The following INO80E variants were observed in gnomAD, a reference collection of about 807,000 sequenced individuals.
INO80E encodes coiled-coil domain containing 95.
A neutral mutation model predicts 27.3 loss-of-function variants in INO80E; 20 were observed. That is an observed-to-expected ratio of 0.73 (90% confidence interval 0.51 to 1.06). The LOEUF (loss-of-function observed/expected upper bound fraction) is 1.06. Among genes scored for constraint, INO80E ranks in the 50% least tolerant of loss-of-function variants. The pLI, the probability that INO80E is intolerant of heterozygous loss-of-function variation, is 0.00. For missense variants in INO80E, 357 were observed against 322.8 expected (o/e 1.11, Z -0.81); for synonymous variants, 167 against 145.9 (o/e 1.14, Z -1.04).
In INO80E at chr16:30,005,308, A is replaced by AACCCCCCC; in HGVS notation, c.601_602insACCCCCCC (p.Thr201AsnfsTer17). ...TGGGGCTGGGGTCGGGACAACCCTGACCCCCCTCCCACCCCCTAAGATGCC... is the reference window on the plus strand; with the variant it reads ...TGGGGCTGGGGTCGGGACAACCCTGAACCCCCCCCCCCCCTCCCACCCCCTAAGATGCC... On this transcript the variant is annotated frameshift_variant, in exon 7 of 7. Coordinates refer to ENST00000563197, the MANE Select transcript of INO80E (RefSeq NM_173618.3). LOFTEE classifies it high-confidence loss of function. 1.9e-6 allele frequency: 1 copy of AACCCCCCC among 521,332 alleles called. No homozygotes were observed. Among genetic ancestry groups the AACCCCCCC allele is most frequent in the Non-Finnish European group, 3.0e-6 (1 of 335,732 alleles). The allele number at this position is 521,332 out of a possible 1,614,324, so 32.3% of individuals were successfully genotyped here.
At chr16:30,000,201 T>C (rs572200367) in intron 3 of INO80E, among the ~76,000 whole-genome samples, 1 of 151,758 alleles carries the variant, frequency 6.6e-6, no homozygotes, top group East Asian at 1.9e-4. Flanking sequence ...GGAAAGAGCC[T>C]GGCACCCTGG....
At position 30,001,597 on chromosome 16, in the gene INO80E, A is replaced by G. The variant is rs1474460955; in HGVS notation, c.513+67A>G. ...GAGGACAGTCACCTGAGGGAGGCTG[A>G]AGGCGGGGGCCTGTCAGAGAACCAT... On this transcript the variant is annotated intron_variant, in intron 6 of 6. Transcript: ENST00000563197. 2.1e-6 allele frequency: 3 copies of G among 1,461,512 alleles called. No homozygotes were observed. In the African/African-American group the frequency reaches 4.2e-5, roughly 20 times the overall value. The allele number at this position is 1,461,512 out of a possible 1,614,324, so 90.5% of individuals were successfully genotyped here. A position where few individuals can be genotyped will look rare whatever the true frequency, so the allele number is the denominator to read the frequency against.
Position 30,001,491 on chromosome 16 carries a change from C to A in INO80E, c.474C>A (p.Pro158=), listed in dbSNP as rs1283839947. 3.7e-6 allele frequency: 6 copies of A among 1,613,180 alleles called. No individual in the cohort carries two copies. Among genetic ancestry groups the A allele is most frequent in the Non-Finnish European group, 5.1e-6 (6 of 1,179,728 alleles). Residue 158 remains proline (P), a synonymous_variant, in exon 6 of 7, where the codon CCC becomes CCA. Transcript: ENST00000563197. ...TGCCCGAGCCCAGTCCCCTGAGGCC[C>A]AAGCGGGAGAAACGGCCCCGCCTGC... The part of the protein sequence containing the change: ...LQLPEPSPLR[P]KREKRPRLPR...
At chr16:29,996,891 G>A (rs1380626310) in intron 3 of INO80E, 31 bp downstream of exon 3, 3 of 1,609,308 alleles carry the variant, frequency 1.9e-6, no homozygotes, top group Non-Finnish European at 2.6e-6. Flanking sequence ...TTGGTGGAGA[G>A]CATGGTTCCT....
chr16:29,996,303 G>A lies in INO80E; in HGVS notation c.-8G>A. On this transcript the variant is annotated 5_prime_UTR_variant, in exon 1 of 7. Transcript: ENST00000563197. ...GGGCAGACTCTGGGCGCCACTCCCG[G>A]GCCGGTCATGAACGGGCCGGCGGAC... The A allele has an allele frequency of 4.4e-6, 7 of 1,588,058 alleles. No individual in the cohort carries two copies. The highest frequency in any genetic ancestry group is 6.0e-6 in the Non-Finnish European group (7 of 1,167,350).
At chr16:29,999,859 C>T (rs1354537343) in intron 3 of INO80E, among the ~76,000 whole-genome samples, 3 of 152,094 alleles carry the variant, frequency 2.0e-5, no homozygotes, top group Non-Finnish European at 4.4e-5. Context: ...CAGTGGGTGG[C>T]ACGGTGAGGT....
chr16:30,001,255 C>T (rs1596674227), intron 5 of INO80E, 159 bp from the exon 6 acceptor site: 1 of 1,491,398 alleles, frequency 6.7e-7, no homozygotes, highest in Non-Finnish European at 8.9e-7. Context: ...CCCAGGACAG[C>T]ATCCTGCTGC....
chr16:30,001,032 C>A lies in INO80E; in HGVS notation c.388C>A (p.Leu130Met). 6.5e-7 allele frequency: 1 copy of A among 1,544,808 alleles called. No individual in the cohort carries two copies. The highest frequency in any genetic ancestry group is 8.7e-7 in the Non-Finnish European group (1 of 1,145,284). Reference protein sequence around the residue: ...LQASGVPSPYLSSLASSRYPP... With the variant: ...LQASGVPSPYMSSLASSRYPP... ...GGCCTCCGGGGTCCCCTCCCCATACCTGAGCTCGGTGAGTTGGGGTCAGGG... is the reference window on the plus strand; with the variant it reads ...GGCCTCCGGGGTCCCCTCCCCATACATGAGCTCGGTGAGTTGGGGTCAGGG... Residue 130 changes from leucine to methionine, a missense_variant, in exon 5 of 7, where the codon CTG becomes ATG. Leu to Met is a conservative substitution (Grantham distance 15). Transcript: ENST00000563197.
chr16:29,996,251 C>T lies in INO80E; in HGVS notation c.-60C>T, dbSNP rs748998623. ...TCCGGAAGTGGAGGCGGGAGCGGCA[C>T]GGCAGCCACTGCTTGGGGTAGCGGG... is the stretch of plus-strand genomic sequence containing the variant. On this transcript the variant is annotated 5_prime_UTR_variant, in exon 1 of 7. In the 5' UTR this introduces an upstream ATG that the reference lacks. Coordinates refer to ENST00000563197, the MANE Select transcript of INO80E (RefSeq NM_173618.3). 17 of 1,487,346 alleles carry T rather than the reference C, an allele frequency of 1.1e-5. No individual in the cohort carries two copies. The highest frequency in any genetic ancestry group is 1.6e-5 in the Non-Finnish European group (17 of 1,090,602). The allele number at this position is 1,487,346 out of a possible 1,614,324, so 92.1% of individuals were successfully genotyped here. A position where few individuals can be genotyped will look rare whatever the true frequency, so the allele number is the denominator to read the frequency against.
intron 3 of INO80E, chr16:29,999,141 C>G (rs1167641135): frequency 6.6e-6 from 1 of 152,132 alleles, no homozygotes; most frequent in Admixed American, 6.5e-5. Flanking sequence ...GCATGATACC[C>G]ATTTGCTTGT....
Position 30,005,788 on chromosome 16 carries a change from T to G in INO80E, c.*346T>G. ...AGTTTCTGTATTAAAGGAGTGGCTC[T>G]GGGTTTGTTTTTTGTCCTTTTTTTT... On this transcript the variant is annotated 3_prime_UTR_variant, in exon 7 of 7. Coordinates refer to ENST00000563197, the MANE Select transcript of INO80E (RefSeq NM_173618.3). The G allele has an allele frequency of 2.2e-6, 1 of 458,776 alleles. No individual in the cohort carries two copies. 28.4% of individuals were successfully genotyped at this position (458,776 alleles called of 1,614,324 possible).
intron 3 of INO80E, among the ~76,000 whole-genome samples, 155 bp from the exon 4 acceptor site, chr16:30,000,603 G>A (rs190191159): frequency 4.6e-5 from 7 of 152,296 alleles, no homozygotes; most frequent in Non-Finnish European, 8.8e-5. Context: ...GGCCTCAAGC[G>A]ATCTGGCCAC....
At chr16:30,000,720 AT>A in intron 3 of INO80E, 37 bp from the exon 4 acceptor site, 1 of 1,554,864 alleles carries the variant, frequency 6.4e-7, no homozygotes, top group South Asian at 1.1e-5. Context: ...ATGGACTGGG[AT>A]CCCCCCATCC....
rs1016847586 is a variant in INO80E, at chr16:30,003,291, A to G, written c.513+1761A>G. 3 of 152,298 alleles carry G rather than the reference A, an allele frequency of 2.0e-5. No homozygotes were observed. Among genetic ancestry groups the G allele is most frequent in the Admixed American group, 6.6e-5 (1 of 15,256 alleles). The allele number at this position is 152,298 out of a possible 1,614,324, so 9.4% of individuals were successfully genotyped here. On this transcript the variant is annotated intron_variant, in intron 6 of 6. Coordinates refer to ENST00000563197, the MANE Select transcript of INO80E (RefSeq NM_173618.3). This position sits in a 1 kb window ranked among gnomAD's most constrained non-coding sequence, Gnocchi z 4.4. ...TTTGGATATTCCTGGCTGAAGCCAT[A>G]GTGGGAAGGGAGACAGGGCCACAGG...
At chr16:29,999,617 C>A (rs1180541130) in intron 3 of INO80E, 4 of 152,192 alleles carry the variant, frequency 2.6e-5, no homozygotes, top group African/African-American at 9.7e-5. Context: ...GTGTAGCAGT[C>A]GTTTGTTCGA....
chr16:30,000,067 A>T (rs2070289346), intron 3 of INO80E, among the ~76,000 whole-genome samples: 1 of 152,182 alleles, frequency 6.6e-6, no homozygotes, highest in South Asian at 2.1e-4. Flanking sequence ...AAGGAGTCAC[A>T]GACCTGGCTT....
chr16:30,005,328 G>T lies in INO80E; in HGVS notation c.621G>T (p.Lys207Asn). The change falls in exon 7 of 7, where the codon AAG (lysine) becomes AAT (asparagine). Residue 207 changes from lysine (K) to asparagine (N), a missense_variant. By Grantham distance (94) the Lys-to-Asn change is moderately conservative (BLOSUM62 0). Coordinates refer to ENST00000563197, the MANE Select transcript of INO80E (RefSeq NM_173618.3). ...GTTLTPLPPP[K>N]MPPPTILSTV... ...CCCTGACCCCCCTCCCACCCCCTAA[G>T]ATGCCCCCCCCCACGATCCTGAGCA... is the stretch of plus-strand genomic sequence containing the variant. 1 of 764,038 alleles carries T rather than the reference G, an allele frequency of 1.3e-6. No individual in the cohort carries two copies. The highest frequency in any genetic ancestry group is 1.6e-6 in the Non-Finnish European group (1 of 636,346). The allele number at this position is 764,038 out of a possible 1,614,324, so 47.3% of individuals were successfully genotyped here. A position where few individuals can be genotyped will look rare whatever the true frequency, so the allele number is the denominator to read the frequency against.
rs1164730397 is a variant in INO80E at position 29,996,534 on chromosome 16, G to A, written c.82-13G>A. On this transcript the variant is annotated splice_polypyrimidine_tract_variant and intron_variant, in intron 1 of 6. Coordinates refer to ENST00000563197, the MANE Select transcript of INO80E (RefSeq NM_173618.3). ...GGACCGTTGGCCCAGCGCACCCCTT[G>A]CCCGTGATACAGGAGCACGAGTGCT... 1.9e-6 allele frequency: 3 copies of A among 1,560,262 alleles called. No homozygotes were observed. Among genetic ancestry groups the A allele is most frequent in the Non-Finnish European group, 1.7e-6 (2 of 1,151,912 alleles).
chr16:29,996,745 G>A lies in INO80E; in HGVS notation c.153-63G>A, dbSNP rs2070134255. 3 of 1,600,000 alleles carry A rather than the reference G, an allele frequency of 1.9e-6. No homozygotes were observed. The South Asian group carries it at 3.3e-5, about 18-fold the overall frequency. On this transcript the variant is annotated intron_variant, in intron 2 of 6. Coordinates refer to ENST00000563197, the MANE Select transcript of INO80E (RefSeq NM_173618.3). ...TCCGATGGGCCAGCTGGGAGGGACA[G>A]GTACCCAGGAGGACATTGCTGCGCT...
Sources: allele counts gnomAD v4.1 joint callset (sites outside exome capture counted in the v4.1 genomes callset), GRCh38; gene constraint gnomAD v4.1.1; non-coding constraint Gnocchi (gnomAD v3.1); transcripts MANE v1.5; gene names NCBI Gene and HGNC (gene_info 2026-07-23, HGNC 2026-07-21).